The following DOCK8 variants were observed in gnomAD, a reference collection of about 807,000 sequenced individuals.
The protein encoded by DOCK8 is dedicator of cytokinesis protein 8.
DOCK8 carries 141 observed loss-of-function variants against 245.6 expected under a neutral mutation model. That is an observed-to-expected ratio of 0.57 (90% CI 0.50 to 0.66). The LOEUF (loss-of-function observed/expected upper bound fraction) is 0.66. Among genes scored for constraint, DOCK8 ranks in the 30% least tolerant of loss-of-function variants. The pLI is 0.00. For synonymous variants in DOCK8, 1,168 were observed against 970.2 expected (o/e 1.20, Z -3.79); for missense variants, 2,965 against 2,603.4 (o/e 1.14, Z -3.02).
rs758820532 is a variant in DOCK8 at position 455,959 on chromosome 9, T to G, written c.6068+3842T>G. Reference sequence around the variant, plus strand: ...AGCTCCTACTTTGTGCCAGGCACTGTGCTACATATGTGGAAGGATGAAGTC... The same window carrying G: ...AGCTCCTACTTTGTGCCAGGCACTGGGCTACATATGTGGAAGGATGAAGTC... On this transcript the variant is annotated intron_variant, in intron 46 of 47. Coordinates refer to ENST00000432829, the MANE Select transcript of DOCK8 (RefSeq NM_203447.4). Among the ~76,000 whole-genome samples, 31 of 152,282 alleles carry G rather than the reference T, an allele frequency of 2.0e-4. No homozygotes were observed. The East Asian group carries it at 4.6e-3, about 23-fold the overall frequency.
At chr9:358,640 G>A (rs1011502885) in intron 14 of DOCK8, among the ~76,000 whole-genome samples, 4 of 150,398 alleles carry the variant, frequency 2.7e-5, no homozygotes, top group Non-Finnish European at 3.0e-5. Context: ...CTTGAGGTCA[G>A]GAGTTCAAGA....
At chr9:273,087 T>G in intron 2 of DOCK8, 9 of 985,446 alleles carry the variant, frequency 9.1e-6, no homozygotes, top group Non-Finnish European at 8.4e-6. Flanking sequence ...CGTGTAACTG[T>G]GAATCTTTCA....
chr9:333,701 A>AT (rs1014928281), intron 10 of DOCK8, among the ~76,000 whole-genome samples: 23 of 111,838 alleles, frequency 2.1e-4, no homozygotes, highest in Admixed American at 9.3e-4. Flanking sequence ...AACTCAAGGC[A>AT]TTTTTTTTTT....
intron 18 of DOCK8, among the ~76,000 whole-genome samples, chr9:375,468 G>C (rs140262064): frequency 6.6e-6 from 1 of 152,142 alleles, no homozygotes; most frequent in South Asian, 2.1e-4. Context: ...AAGTAATATC[G>C]GGTACTCAAA....
At chr9:323,124 AT>A (rs2050595637) in intron 7 of DOCK8, among the ~76,000 whole-genome samples, 1 of 151,512 alleles carries the variant, frequency 6.6e-6, no homozygotes, top group African/African-American at 2.4e-5. Flanking sequence ...CCCCCAATTA[AT>A]GTGCAATTAC....
In DOCK8 at chr9:272,948, A is replaced by G; in HGVS notation, c.156+1219A>G. The G allele has an allele frequency of 1.1e-5, 8 of 744,226 alleles. No homozygotes were observed. In the South Asian group the frequency reaches 3.1e-4, roughly 28 times the overall value. The allele number at this position is 744,226 out of a possible 1,614,324, so 46.1% of individuals were successfully genotyped here. ...AGCACTCTTGCTGGTTCTGCTGCTTATCTTGAAGAGGTTAGGTTACTTTTT... is the reference window on the plus strand; with the variant it reads ...AGCACTCTTGCTGGTTCTGCTGCTTGTCTTGAAGAGGTTAGGTTACTTTTT... On this transcript the variant is annotated intron_variant, in intron 2 of 47. Transcript: ENST00000432829.
rs745323918 is a variant in DOCK8 at position 386,382 on chromosome 9, G to T, written c.2830G>T (p.Asp944Tyr). 5 of 1,613,956 alleles carry T rather than the reference G, an allele frequency of 3.1e-6. No homozygotes were observed. Among genetic ancestry groups the T allele is most frequent in the Non-Finnish European group, 4.2e-6 (5 of 1,179,908 alleles). ...RMSYYCSGSS[D>Y]APSSPAAPRP... ...GTCTTACTATTGCTCTGGCAGTAGT[G>T]ATGCTCCAAGTTCACCTGCAGCCCC... The change falls in exon 23 of 48, where the codon GAT becomes TAT. Residue 944 changes from aspartate to tyrosine, a missense_variant. Physicochemically the swap from Asp to Tyr is radical, Grantham distance 160. Around this residue, in one of 3 missense-constraint regions of DOCK8, gnomAD observed 2,825 missense variants for 2,453.5 expected, o/e 1.15. Transcript: ENST00000432829.
At chr9:454,558 C>T (rs1321867520) in intron 46 of DOCK8, 2 of 152,108 alleles carry the variant, frequency 1.3e-5, no homozygotes, top group African/African-American at 4.8e-5. Context: ...GCCTGTGATG[C>T]ACCGGGTTCC....
At chr9:216,170 G>A (rs1457737663) in intron 1 of DOCK8, among the ~76,000 whole-genome samples, 3 of 152,052 alleles carry the variant, frequency 2.0e-5, no homozygotes, top group East Asian at 1.9e-4. Flanking sequence ...TTCGTCATCT[G>A]TAAAATGAGT....
upstream of DOCK8, chr9:214,535 C>T (rs577567776): frequency 5.6e-6 from 9 of 1,613,646 alleles, no homozygotes; most frequent in Non-Finnish European, 7.6e-6. Context: ...TGATTCCCGA[C>T]CTCGCCAGCT....
intron 26 of DOCK8, among the ~76,000 whole-genome samples, chr9:400,605 C>CCACCACCTCCACCACCACCAT (rs2054903953): frequency 4.8e-5 from 4 of 84,034 alleles, no homozygotes; most frequent in Admixed American, 1.2e-4. Flanking sequence ...TCCACCATCA[C>CCACCACCTCCACCACCACCAT]CACCACCACC....
At chr9:375,336 G>C (rs7028345) in intron 18 of DOCK8, among the ~76,000 whole-genome samples, 37,178 of 152,124 alleles carry the variant, frequency 0.24, 4,718 homozygotes, top group Middle Eastern at 0.32. Flanking sequence ...GAAACTGTCT[G>C]TAAGACCTAC....
chr9:248,524 CCTCTCTCTCTTTCTTTCTTTCTTT>C (rs1164957028), intron 1 of DOCK8, among the ~76,000 whole-genome samples: 2 of 149,720 alleles, frequency 1.3e-5, no homozygotes, highest in Admixed American at 1.3e-4. Flanking sequence ...TCCTTCCCTC[CCTCTCTCTCTTTCTTTCTTTCTTT>C]CTCTCTCTCT....
intron 14 of DOCK8, among the ~76,000 whole-genome samples, chr9:349,382 C>A (rs1249325794): frequency 6.6e-6 from 1 of 152,184 alleles, no homozygotes; most frequent in East Asian, 1.9e-4. Flanking sequence ...AATTGAGATT[C>A]ATGCAACTAT....
At position 371,657 on chromosome 9, in the gene DOCK8, A is replaced by G. The variant is rs572660801; in HGVS notation, c.2007+91A>G. Reference sequence around the variant, plus strand: ...TAAACAACCAAATTCTATTCACTTGATTTTTTCCAGTCAGAAGTAGCAAAA... The same window carrying G: ...TAAACAACCAAATTCTATTCACTTGGTTTTTTCCAGTCAGAAGTAGCAAAA... On this transcript the variant is annotated intron_variant, in intron 17 of 47. Transcript: ENST00000432829. The G allele has an allele frequency of 3.7e-5, 57 of 1,560,518 alleles. No homozygotes were observed. In the Admixed American group the frequency reaches 7.4e-4, roughly 20 times the overall value.
At chr9:400,503 C>G (rs2054879466) in intron 26 of DOCK8, among the ~76,000 whole-genome samples, 1 of 42,778 alleles carries the variant, frequency 2.3e-5, no homozygotes. Flanking sequence ...ACCACCTCCA[C>G]CATCACCACC....
chr9:418,038 T>A (rs1178021795), intron 29 of DOCK8, 30 bp from the exon 30 acceptor site: 1 of 1,613,894 alleles, frequency 6.2e-7, no homozygotes, highest in African/African-American at 1.3e-5. Context: ...CATGTTTGAC[T>A]TGACATCACA....
intron 1 of DOCK8, among the ~76,000 whole-genome samples, chr9:271,229 G>C (rs118182378): frequency 6.6e-6 from 1 of 152,220 alleles, no homozygotes; most frequent in Non-Finnish European, 1.5e-5. Flanking sequence ...CTTGAAATGA[G>C]AATGGCTGGA....
chr9:229,101 G>A (rs1186177524), intron 1 of DOCK8, among the ~76,000 whole-genome samples: 1 of 152,160 alleles, frequency 6.6e-6, no homozygotes, highest in Non-Finnish European at 1.5e-5. Flanking sequence ...GTTAATGCAA[G>A]TCATAAGGCA....
Sources: gnomAD v4.1 joint callset for allele counts (sites outside exome capture counted in the v4.1 genomes callset) on GRCh38, gnomAD v4.1.1 for gene constraint, gnomAD v4.1.1 regional missense constraint, MANE v1.5 for transcripts, NCBI Gene and HGNC (gene_info 2026-07-23, HGNC 2026-07-21) for gene names.